The following CPQ variants were observed in gnomAD, a reference collection of about 807,000 sequenced individuals.
The protein encoded by CPQ is carboxypeptidase Q, also known as Ser-Met dipeptidase.
In CPQ, 37 loss-of-function variants were observed where a neutral mutation model predicts 45.7. The observed-to-expected ratio is 0.81, with a 90% CI of 0.62 to 1.07. CPQ has a LOEUF of 1.07. Among genes scored for constraint, CPQ ranks in the 50% least tolerant of loss-of-function variants. The pLI is 0.00. For synonymous variants in CPQ, 186 were observed against 205.8 expected (o/e 0.90, Z 0.82); for missense variants, 537 against 572.9 (o/e 0.94, Z 0.64).
At chr8:97,005,963 A>C (rs938623147) in intron 5 of CPQ, among the ~76,000 whole-genome samples, 1 of 152,228 alleles carries the variant, frequency 6.6e-6, no homozygotes, top group Non-Finnish European at 1.5e-5. Context: ...CATAAAATTC[A>C]CTGACAGTAA....
chr8:97,070,059 GA>G (rs1357241818), intron 7 of CPQ, among the ~76,000 whole-genome samples: 1 of 152,100 alleles, frequency 6.6e-6, no homozygotes, highest in East Asian at 1.9e-4. Flanking sequence ...AGGCTTTGGG[GA>G]AAAAAGATTT....
intron 4 of CPQ, among the ~76,000 whole-genome samples, chr8:96,949,902 T>G (rs10099984): frequency 0.092 from 13,924 of 152,146 alleles, 1,348 homozygotes; most frequent in African/African-American, 0.24. Flanking sequence ...ACAGAGATGT[T>G]TATCTGGTTC....
chr8:97,023,601 T>C (rs767056967), intron 5 of CPQ, among the ~76,000 whole-genome samples: 51 of 152,370 alleles, frequency 3.3e-4, no homozygotes, highest in Non-Finnish European at 6.9e-4. Context: ...TAACAGTGAT[T>C]TTCCTGGCTA....
chr8:97,037,616 C>T (rs1043279347), intron 6 of CPQ, among the ~76,000 whole-genome samples: 3 of 152,054 alleles, frequency 2.0e-5, no homozygotes, highest in Non-Finnish European at 4.4e-5. Context: ...TGGTCTGGAG[C>T]CTTTGTAGTT....
intron 1 of CPQ, among the ~76,000 whole-genome samples, chr8:96,719,428 A>C (rs1408655914): frequency 6.6e-6 from 1 of 152,144 alleles, no homozygotes; most frequent in East Asian, 1.9e-4. Flanking sequence ...GCTGTTCCGC[A>C]AGCACCGCAC....
intron 7 of CPQ, among the ~76,000 whole-genome samples, chr8:97,102,877 C>A (rs538747633): frequency 6.6e-6 from 1 of 152,074 alleles, no homozygotes; most frequent in Non-Finnish European, 1.5e-5. Context: ...TCTTTTTTTA[C>A]GTTCTAGAGG....
In CPQ at chr8:97,143,348, A is replaced by G; in HGVS notation, c.*165A>G. On this transcript the variant is annotated 3_prime_UTR_variant, in exon 8 of 8. Transcript: ENST00000220763. Reference sequence around the variant, plus strand: ...TTCTTGATACTTTCCAAATTCTCTGATTCTAGAAAAAGGAATCATTCTCCC... The same window carrying G: ...TTCTTGATACTTTCCAAATTCTCTGGTTCTAGAAAAAGGAATCATTCTCCC... The G allele has an allele frequency of 1.5e-6, 1 of 664,550 alleles. No individual in the cohort carries two copies. Among genetic ancestry groups the G allele is most frequent in the African/African-American group, 1.8e-5 (1 of 54,640 alleles). 41.2% of individuals were successfully genotyped at this position (664,550 alleles called of 1,614,324 possible).
At chr8:96,660,663 G>GTT (rs1815690238) in intron 1 of CPQ, among the ~76,000 whole-genome samples, 3 of 150,930 alleles carry the variant, frequency 2.0e-5, no homozygotes, top group Admixed American at 6.6e-5. Context: ...GTGTGTGTGT[G>GTT]TTTATACTTC....
chr8:96,950,701 A>G (rs1042092663), intron 4 of CPQ, among the ~76,000 whole-genome samples: 2 of 152,178 alleles, frequency 1.3e-5, no homozygotes, highest in African/African-American at 4.8e-5. Flanking sequence ...TATGAAAACA[A>G]TAAAATATGT....
At chr8:97,058,736 A>G (rs1810496627) in intron 6 of CPQ, among the ~76,000 whole-genome samples, 1 of 152,174 alleles carries the variant, frequency 6.6e-6, no homozygotes, top group South Asian at 2.1e-4. Context: ...GTAGCATGAA[A>G]CACTTGACCA....
intron 1 of CPQ, among the ~76,000 whole-genome samples, chr8:96,751,923 G>T (rs1006120405): frequency 6.6e-6 from 1 of 152,102 alleles, no homozygotes; most frequent in Non-Finnish European, 1.5e-5. Context: ...GTTTTTGTCA[G>T]GTTTGTTGAA....
At chr8:96,729,432 G>C (rs900417975) in intron 1 of CPQ, among the ~76,000 whole-genome samples, 1 of 152,048 alleles carries the variant, frequency 6.6e-6, no homozygotes, top group Non-Finnish European at 1.5e-5. Flanking sequence ...TATGGAAAGA[G>C]GTTTTCCTAT....
chr8:96,825,685 AT>A (rs1245367768), intron 2 of CPQ, among the ~76,000 whole-genome samples: 1 of 152,022 alleles, frequency 6.6e-6, no homozygotes, highest in Non-Finnish European at 1.5e-5. Flanking sequence ...GTGACAAATT[AT>A]GTTGTATTGA....
chr8:97,067,896 T>A (rs1426819642), intron 7 of CPQ, among the ~76,000 whole-genome samples: 2 of 152,200 alleles, frequency 1.3e-5, no homozygotes, highest in African/African-American at 4.8e-5. Flanking sequence ...ATCATTTGTA[T>A]GAAATTCTAG....
intron 2 of CPQ, among the ~76,000 whole-genome samples, chr8:96,813,126 G>C (rs557233793): frequency 6.6e-6 from 1 of 152,258 alleles, no homozygotes; most frequent in South Asian, 2.1e-4. Flanking sequence ...CAGCATGGCA[G>C]GTGGAGGCCT....
At chr8:96,855,697 G>A (rs776819390) in intron 3 of CPQ, among the ~76,000 whole-genome samples, 7 of 152,142 alleles carry the variant, frequency 4.6e-5, no homozygotes, top group African/African-American at 1.2e-4. Flanking sequence ...CTTCCCTCAC[G>A]CATCTTACTT....
At chr8:96,913,779 A>C (rs1246998999) in intron 4 of CPQ, among the ~76,000 whole-genome samples, 2 of 152,126 alleles carry the variant, frequency 1.3e-5, no homozygotes, top group African/African-American at 4.8e-5. Flanking sequence ...ATTGCTGAAA[A>C]CTTTATGCAA....
chr8:96,912,614 AGGTTTTCT>A (rs1812682410), intron 4 of CPQ, among the ~76,000 whole-genome samples: 2 of 152,336 alleles, frequency 1.3e-5, no homozygotes, highest in East Asian at 3.9e-4. Context: ...GACCTTATAT[AGGTTTTCT>A]TCAGAGTTTT....
intron 1 of CPQ, among the ~76,000 whole-genome samples, chr8:96,748,635 T>A (rs1244534422): frequency 2.6e-5 from 4 of 152,208 alleles, no homozygotes; most frequent in Non-Finnish European, 5.9e-5. Flanking sequence ...CTATCTTTTT[T>A]AACTGTTTGC....
Sources: allele counts gnomAD v4.1 joint callset (sites outside exome capture counted in the v4.1 genomes callset), GRCh38; gene constraint gnomAD v4.1.1; transcripts MANE v1.5; gene names NCBI Gene and HGNC (gene_info 2026-07-23, HGNC 2026-07-21).